Variants in PLCB1 observed in about 807,000 individuals in gnomAD.
PLCB1 encodes the protein 1-phosphatidylinositol 4,5-bisphosphate phosphodiesterase beta-1.
Under a neutral mutation model 161.8 loss-of-function variants are expected in PLCB1, and 46 were observed. The ratio of observed to expected loss-of-function variants is 0.28; its 90% CI spans 0.22 to 0.36. PLCB1 has a LOEUF of 0.36. Among genes scored for constraint, PLCB1 ranks in the 10% least tolerant of loss-of-function variants. The probability of loss-of-function intolerance (pLI) is 1.00; values close to 1 mark genes in which losing one functional copy is unlikely to be tolerated. For synonymous variants in PLCB1, 517 were observed against 503.7 expected (o/e 1.03, Z -0.35); for missense variants, 1,016 against 1,472.5 (o/e 0.69, Z 5.07).
At chr20:8,247,222 G>A in intron 2 of PLCB1, among the ~76,000 whole-genome samples, 1 of 151,820 alleles carries the variant, frequency 6.6e-6, no homozygotes. Flanking sequence ...ATATCTATCA[G>A]TTTCATAAAG....
At chr20:8,852,706 A>G (rs1020904667) in intron 31 of PLCB1, among the ~76,000 whole-genome samples, 1 of 152,210 alleles carries the variant, frequency 6.6e-6, no homozygotes, top group Non-Finnish European at 1.5e-5. Flanking sequence ...ACAAATCTCC[A>G]AAAGCATAGT....
At chr20:8,275,246 C>CGTGTGTGTGTGT (rs1209090719) in intron 2 of PLCB1, among the ~76,000 whole-genome samples, 8 of 50,914 alleles carry the variant, frequency 1.6e-4, no homozygotes, top group Admixed American at 1.4e-3. Flanking sequence ...TTTGCATCAG[C>CGTGTGTGTGTGT]GTGAGTGTGT....
intron 3 of PLCB1, among the ~76,000 whole-genome samples, chr20:8,623,389 CT>C (rs1988239044): frequency 2.0e-5 from 3 of 152,140 alleles, no homozygotes; most frequent in African/African-American, 7.2e-5. Flanking sequence ...CTTCAAACCG[CT>C]TTATTTCAGA....
At chr20:8,509,994 C>CT (rs1333401834) in intron 3 of PLCB1, among the ~76,000 whole-genome samples, 1 of 152,148 alleles carries the variant, frequency 6.6e-6, no homozygotes, top group Non-Finnish European at 1.5e-5. Flanking sequence ...TTGTGAAACA[C>CT]TTATTATTCA....
chr20:8,517,119 A>C (rs539221244), intron 3 of PLCB1, among the ~76,000 whole-genome samples: 5 of 152,240 alleles, frequency 3.3e-5, no homozygotes, highest in African/African-American at 9.6e-5. Context: ...ATTGGGCTGC[A>C]TTCGGGGAGC....
chr20:8,393,127 C>T (rs957524714), intron 3 of PLCB1, among the ~76,000 whole-genome samples: 3 of 152,148 alleles, frequency 2.0e-5, no homozygotes, highest in Non-Finnish European at 2.9e-5. Flanking sequence ...ACACCTAATA[C>T]ATTTTCTCTA....
intron 31 of PLCB1, among the ~76,000 whole-genome samples, chr20:8,862,317 C>A (rs982774045): frequency 6.6e-6 from 1 of 152,202 alleles, no homozygotes; most frequent in Non-Finnish European, 1.5e-5. Context: ...TCCGTCTATT[C>A]CATATGCTGC....
chr20:8,428,741 G>A (rs1012514019), intron 3 of PLCB1, among the ~76,000 whole-genome samples: 3 of 152,192 alleles, frequency 2.0e-5, no homozygotes, highest in African/African-American at 4.8e-5. Context: ...CACATCTCTC[G>A]GGGAAGCTGG....
intron 20 of PLCB1, among the ~76,000 whole-genome samples, chr20:8,737,423 C>T (rs1980639377): frequency 1.3e-5 from 2 of 151,852 alleles, no homozygotes; most frequent in African/African-American, 2.4e-5. Context: ...CTCAAATGGA[C>T]GGCCATAAAA....
chr20:8,639,372 T>G (rs1374915430), intron 4 of PLCB1, among the ~76,000 whole-genome samples: 1 of 152,218 alleles, frequency 6.6e-6, no homozygotes, highest in East Asian at 1.9e-4. Context: ...TGCTTACTTA[T>G]CTTATTAGGA....
intron 2 of PLCB1, among the ~76,000 whole-genome samples, chr20:8,285,798 T>C (rs1983091841): frequency 6.6e-6 from 1 of 152,216 alleles, no homozygotes; most frequent in Non-Finnish European, 1.5e-5. Flanking sequence ...GTTTGTAGGA[T>C]ACTGTGAGCA....
At chr20:8,643,154 AC>A (rs1426218069) in intron 4 of PLCB1, among the ~76,000 whole-genome samples, 1 of 152,058 alleles carries the variant, frequency 6.6e-6, no homozygotes, top group African/African-American at 2.4e-5. Context: ...AGTATTTCTC[AC>A]CTGGACTACT....
intron 12 of PLCB1, among the ~76,000 whole-genome samples, chr20:8,711,158 G>A (rs1274351170): frequency 1.3e-5 from 2 of 152,146 alleles, no homozygotes; most frequent in Non-Finnish European, 2.9e-5. Context: ...GACAGAGATG[G>A]GATTCCAATC....
intron 2 of PLCB1, among the ~76,000 whole-genome samples, chr20:8,285,288 TTATATC>T (rs1430608641): frequency 2.7e-5 from 4 of 149,312 alleles, no homozygotes; most frequent in Non-Finnish European, 5.9e-5. Context: ...ATATATATAT[TTATATC>T]TATATACATA....
chr20:8,285,843 T>C (rs1450034461), intron 2 of PLCB1, among the ~76,000 whole-genome samples: 1 of 152,332 alleles, frequency 6.6e-6, no homozygotes, highest in East Asian at 1.9e-4. Context: ...ATTTCTCAAG[T>C]GAGAGGCTTC....
chr20:8,338,407 T>A (rs1184623324), intron 2 of PLCB1, among the ~76,000 whole-genome samples: 4 of 152,240 alleles, frequency 2.6e-5, no homozygotes, highest in African/African-American at 9.6e-5. Context: ...AAGAAAGCAT[T>A]AAAGTGTTCT....
intron 9 of PLCB1, among the ~76,000 whole-genome samples, chr20:8,661,527 A>C (rs1444980870): frequency 1.3e-5 from 2 of 152,070 alleles, no homozygotes; most frequent in Non-Finnish European, 2.9e-5. Context: ...CTTCTTCTCT[A>C]GAATCCATAT....
chr20:8,517,873 C>T (rs1448163915), intron 3 of PLCB1, among the ~76,000 whole-genome samples: 1 of 152,170 alleles, frequency 6.6e-6, no homozygotes, highest in African/African-American at 2.4e-5. Context: ...GCCACATAAA[C>T]TTGACAGCCA....
At chr20:8,197,868 T>G (rs1432709974) in intron 2 of PLCB1, among the ~76,000 whole-genome samples, 1 of 152,196 alleles carries the variant, frequency 6.6e-6, no homozygotes, top group Non-Finnish European at 1.5e-5. Flanking sequence ...AGTTTCAGCT[T>G]TCTACATATG....
Sources: gnomAD v4.1 joint callset for allele counts (sites outside exome capture counted in the v4.1 genomes callset) on GRCh38, gnomAD v4.1.1 for gene constraint, MANE v1.5 for transcripts, NCBI Gene and HGNC (gene_info 2026-07-23, HGNC 2026-07-21) for gene names.